Variants in IMPG1 observed in about 807,000 individuals in gnomAD.
IMPG1 encodes interphotoreceptor matrix proteoglycan 1.
Under a neutral mutation model 92.0 loss-of-function variants are expected in IMPG1, and 85 were observed. The ratio of observed to expected loss-of-function variants is 0.92; its 90% confidence interval spans 0.78 to 1.11. IMPG1 has a LOEUF of 1.11. Among genes scored for constraint, IMPG1 ranks in the 50% least tolerant of loss-of-function variants. The pLI, the probability that IMPG1 is intolerant of heterozygous loss-of-function variation, is 0.00. For synonymous variants in IMPG1, 367 were observed against 334.1 expected (o/e 1.10, Z -1.08); for missense variants, 1,022 against 956.0 (o/e 1.07, Z -0.91).
chr6:75,982,525 TA>T (rs894024819), intron 12 of IMPG1, among the ~76,000 whole-genome samples: 212 of 137,956 alleles, frequency 1.5e-3, no homozygotes, highest in East Asian at 0.015. Flanking sequence ...GACTCTATCT[TA>T]AAAAAAAAAT....
At chr6:76,010,000 A>G (rs559763316) in intron 8 of IMPG1, among the ~76,000 whole-genome samples, 2 of 152,378 alleles carry the variant, frequency 1.3e-5, no homozygotes, top group South Asian at 4.1e-4. Flanking sequence ...TTTCACAGAA[A>G]ATACTACCGA....
intron 4 of IMPG1, among the ~76,000 whole-genome samples, chr6:76,033,766 A>G (rs1272389055): frequency 6.6e-6 from 1 of 152,082 alleles, no homozygotes; most frequent in East Asian, 1.9e-4. Flanking sequence ...GTTTGACAAC[A>G]TCTCTCTTCT....
At chr6:75,984,922 T>A (rs73466829) in intron 12 of IMPG1, among the ~76,000 whole-genome samples, 1 of 152,156 alleles carries the variant, frequency 6.6e-6, no homozygotes, top group African/African-American at 2.4e-5. Flanking sequence ...CAAGCTTCCC[T>A]AGACCCTCAC....
At chr6:76,012,965 T>TGTGG (rs1783215864) in intron 7 of IMPG1, among the ~76,000 whole-genome samples, 1 of 151,364 alleles carries the variant, frequency 6.6e-6, no homozygotes, top group Non-Finnish European at 1.5e-5. Flanking sequence ...AGCCACCGAC[T>TGTGG]CTGGTTGGTT....
chr6:75,992,100 T>C (rs566735774), intron 12 of IMPG1, among the ~76,000 whole-genome samples: 2 of 152,194 alleles, frequency 1.3e-5, no homozygotes, highest in South Asian at 2.1e-4. Context: ...AAGGCCTCAA[T>C]AGGAAAAAGA....
At chr6:75,973,602 C>T (rs1257454760) in intron 12 of IMPG1, among the ~76,000 whole-genome samples, 1 of 152,136 alleles carries the variant, frequency 6.6e-6, no homozygotes, top group East Asian at 1.9e-4. Flanking sequence ...AAAACTGAGG[C>T]ACAGAGAAAG....
chr6:76,006,238 C>A (rs573314261), intron 9 of IMPG1, among the ~76,000 whole-genome samples: 3 of 151,552 alleles, frequency 2.0e-5, no homozygotes, highest in African/African-American at 7.3e-5. Context: ...ATGAATTATC[C>A]TTTCTTCTAC....
chr6:75,985,388 T>G (rs965333614), intron 12 of IMPG1, among the ~76,000 whole-genome samples: 24 of 152,180 alleles, frequency 1.6e-4, no homozygotes, highest in African/African-American at 5.5e-4. Flanking sequence ...AAGGCAGAAC[T>G]GTCTGGCTAG....
intron 12 of IMPG1, among the ~76,000 whole-genome samples, chr6:75,986,862 C>T (rs866483536): frequency 6.6e-6 from 1 of 152,260 alleles, no homozygotes. Context: ...GTCAAACCAA[C>T]AAAATCTCAG....
intron 1 of IMPG1, among the ~76,000 whole-genome samples, chr6:76,045,441 CTTTT>C (rs10700038): frequency 8.2e-6 from 1 of 122,440 alleles, no homozygotes; most frequent in Non-Finnish European, 1.7e-5. Flanking sequence ...CAACCTCCAT[CTTTT>C]TTTTTTTTTT....
chr6:76,066,647 A>G (rs976306764), intron 1 of IMPG1, among the ~76,000 whole-genome samples: 42 of 152,136 alleles, frequency 2.8e-4, no homozygotes, highest in Non-Finnish European at 4.4e-5. Flanking sequence ...GCTCATTGAC[A>G]CAGAAAATCA....
chr6:75,959,142 T>C (rs986397253), intron 12 of IMPG1, among the ~76,000 whole-genome samples: 1 of 152,192 alleles, frequency 6.6e-6, no homozygotes, highest in Admixed American at 6.5e-5. Flanking sequence ...GCCCCTCTGC[T>C]GCAGGTCTGC....
At chr6:75,988,719 T>G (rs1782765629) in intron 12 of IMPG1, among the ~76,000 whole-genome samples, 2 of 152,158 alleles carry the variant, frequency 1.3e-5, no homozygotes, top group African/African-American at 4.8e-5. Context: ...CTCCTTTCCC[T>G]GAACTAGCAG....
chr6:75,977,526 G>C (rs1034577061), intron 12 of IMPG1, among the ~76,000 whole-genome samples: 9 of 151,162 alleles, frequency 6.0e-5, no homozygotes, highest in Non-Finnish European at 8.8e-5. Context: ...GGCAGAAGTT[G>C]TGGTGAGCCA....
chr6:75,986,757 G>A lies in IMPG1; in HGVS notation c.1291+16161C>T, dbSNP rs138921972. Among the ~76,000 whole-genome samples, 223 of 152,116 alleles carry A rather than the reference G, an allele frequency of 1.5e-3. 1 individual carries two copies. The highest frequency in any genetic ancestry group is 6.8e-3 in the Middle Eastern group (2 of 292). ...TGTTAACAATGAGGAAAAAAAAAAT[G>A]AGACTCCCTAGGGGAGAAATGAAAT... On this transcript the variant is annotated intron_variant, in intron 12 of 16. Transcript: ENST00000369950.
At chr6:76,064,720 G>C (rs190236306) in intron 1 of IMPG1, among the ~76,000 whole-genome samples, 1 of 152,258 alleles carries the variant, frequency 6.6e-6, no homozygotes, top group Non-Finnish European at 1.5e-5. Context: ...CCATTGCCTG[G>C]AACAATGGAG....
chr6:76,005,502 AT>A lies in IMPG1; in HGVS notation c.919del (p.Ile307SerfsTer52). ...TGCTTCTGCACTGTGTCTCTTAAAGATGGCCGTAAGTTGCATCTCTGTGGAG... is the reference window on the plus strand; with the variant it reads ...TGCTTCTGCACTGTGTCTCTTAAAGAGGCCGTAAGTTGCATCTCTGTGGAG... ...SSSTEMQLTA[I>X]FKRHSAEAKS... On this transcript the variant is annotated frameshift_variant, in exon 10 of 17. Transcript: ENST00000369950. LOFTEE classifies it high-confidence loss of function. 1 of 1,613,908 alleles carries A rather than the reference AT, an allele frequency of 6.2e-7. No homozygotes were observed. Among genetic ancestry groups the A allele is most frequent in the South Asian group, 1.1e-5 (1 of 91,052 alleles).
At chr6:76,012,597 A>G (rs976899075) in intron 7 of IMPG1, among the ~76,000 whole-genome samples, 6 of 152,150 alleles carry the variant, frequency 3.9e-5, no homozygotes, top group African/African-American at 1.2e-4. Context: ...TGAGGAAGGG[A>G]TAGTGGTTGA....
chr6:75,998,676 C>T (rs1782938172), intron 12 of IMPG1, among the ~76,000 whole-genome samples: 1 of 152,158 alleles, frequency 6.6e-6, no homozygotes. Flanking sequence ...TCCTGATAGA[C>T]CAGATGATCA....
Sources: gnomAD v4.1 joint callset for allele counts (sites outside exome capture counted in the v4.1 genomes callset) on GRCh38, gnomAD v4.1.1 for gene constraint, MANE v1.5 for transcripts, NCBI Gene and HGNC (gene_info 2026-07-23, HGNC 2026-07-21) for gene names.